Variants in FOCAD observed in about 807,000 individuals in gnomAD.
The protein encoded by FOCAD is focadhesin.
A neutral mutation model predicts 225.6 loss-of-function variants in FOCAD; 198 were observed. That is an observed-to-expected ratio of 0.88 (90% CI 0.78 to 0.99). FOCAD has a LOEUF of 0.99. Among genes scored for constraint, FOCAD ranks in the 50% least tolerant of loss-of-function variants. FOCAD has a pLI of 0.00. For synonymous variants in FOCAD, 897 were observed against 755.0 expected (o/e 1.19, Z -3.08); for missense variants, 2,713 against 2,123.6 (o/e 1.28, Z -5.46).
At chr9:20,705,262 A>C (rs1328221887) in intron 1 of FOCAD, among the ~76,000 whole-genome samples, 1 of 152,210 alleles carries the variant, frequency 6.6e-6, no homozygotes, top group African/African-American at 2.4e-5. Flanking sequence ...ACCTATTATT[A>C]ACATTTAGAC....
upstream of FOCAD, among the ~76,000 whole-genome samples, chr9:20,682,779 TTGAA>T (rs1347628098): frequency 6.6e-6 from 1 of 152,118 alleles, no homozygotes; most frequent in African/African-American, 2.4e-5. Flanking sequence ...TATTGATTGA[TTGAA>T]TGATTGATTG....
At position 20,995,374 on chromosome 9, in the gene FOCAD, A is replaced by AC. The variant is rs150489586; in HGVS notation, c.5333-182_5333-181insC. On this transcript the variant is annotated intron_variant, in intron 43 of 43. Coordinates refer to ENST00000338382, the MANE Select transcript of FOCAD (RefSeq NM_001375567.1). ...GCAGGGTAACTTAAAAAAAAAAAAA[A>AC]AAACAACTTTCCCCCCAACATTTAT... 3.5e-3 allele frequency among the ~76,000 whole-genome samples: 522 copies of AC among 147,860 alleles called. 4 individuals carry two copies. Among genetic ancestry groups the AC allele is most frequent in the Middle Eastern group, 7.1e-3 (2 of 282 alleles).
At chr9:20,779,528 C>T (rs561892790) in intron 9 of FOCAD, among the ~76,000 whole-genome samples, 20 of 152,266 alleles carry the variant, frequency 1.3e-4, no homozygotes, top group Non-Finnish European at 2.4e-4. Flanking sequence ...GGGTGGACCA[C>T]CTGAGGTCAG....
chr9:20,926,149 A>G lies in FOCAD; in HGVS notation c.2962-152A>G, dbSNP rs140104195. 9.4e-4 allele frequency: 549 copies of G among 582,514 alleles called. 2 individuals carry two copies. Among genetic ancestry groups the G allele is most frequent in the African/African-American group, 8.9e-3 (479 of 53,628 alleles). 36.1% of individuals were successfully genotyped at this position (582,514 alleles called of 1,614,324 possible). On this transcript the variant is annotated intron_variant, in intron 25 of 43. Coordinates refer to ENST00000338382, the MANE Select transcript of FOCAD (RefSeq NM_001375567.1). ...TATTTGTCAACTACCTGTATACCTC[A>G]TACGTGCATGCTTATAGTCCAAGCA... is the stretch of plus-strand genomic sequence containing the variant.
intron 24 of FOCAD, among the ~76,000 whole-genome samples, chr9:20,922,312 G>C (rs570407774): frequency 6.6e-6 from 1 of 151,714 alleles, no homozygotes; most frequent in South Asian, 2.1e-4. Context: ...GCTAACTTTT[G>C]ACAGGCCTTA....
At chr9:20,888,622 G>A (rs1831329570) in intron 21 of FOCAD, among the ~76,000 whole-genome samples, 1 of 151,830 alleles carries the variant, frequency 6.6e-6, no homozygotes, top group African/African-American at 2.4e-5. Flanking sequence ...GTATGGTATG[G>A]TTTGGCTACG....
At chr9:20,884,842 A>G (rs1830976270) in intron 20 of FOCAD, among the ~76,000 whole-genome samples, 2 of 151,910 alleles carry the variant, frequency 1.3e-5, no homozygotes, top group African/African-American at 4.8e-5. Context: ...CAGGCGGATC[A>G]TGAGGTCAGC....
intron 28 of FOCAD, 53 bp downstream of exon 28, chr9:20,933,156 C>T: frequency 8.1e-7 from 1 of 1,231,414 alleles, no homozygotes; most frequent in South Asian, 1.2e-5. Context: ...GCTCCCTACA[C>T]TGCCATAAGT....
chr9:20,846,650 T>C (rs1405128404), intron 15 of FOCAD, among the ~76,000 whole-genome samples: 1 of 152,110 alleles, frequency 6.6e-6, no homozygotes, highest in African/African-American at 2.4e-5. Flanking sequence ...TGTTAAACTC[T>C]GGAAATGGTG....
Position 20,669,064 on chromosome 9 carries a change from T to A in FOCAD, c.-78+10238T>A, listed in dbSNP as rs117544823. 1.1e-4 allele frequency among the ~76,000 whole-genome samples: 16 copies of A among 152,260 alleles called. No individual in the cohort carries two copies. In the East Asian group the frequency reaches 2.9e-3, roughly 28 times the overall value. The stretch of plus-strand genomic sequence containing the variant: ...GGATGGAAGAGAAAGAATATTTATT[T>A]CCCTGCTCTTGGATATTTAATTCCC... On this transcript the variant is annotated intron_variant, in intron 2 of 45. Transcript: ENST00000380249.
upstream of FOCAD, among the ~76,000 whole-genome samples, chr9:20,679,729 C>T (rs1822344016): frequency 6.6e-6 from 1 of 152,172 alleles, no homozygotes; most frequent in African/African-American, 2.4e-5. Context: ...GCCTGCCTAC[C>T]TCTTAAAGAC....
chr9:20,770,766 A>G (rs934785184), intron 8 of FOCAD, among the ~76,000 whole-genome samples: 68 of 152,364 alleles, frequency 4.5e-4, no homozygotes, highest in African/African-American at 1.5e-3. Context: ...TTGATCTAAT[A>G]CCATTAGCGC....
chr9:20,990,231 G>A lies in FOCAD; in HGVS notation c.5113G>A (p.Glu1705Lys), dbSNP rs575079052. The change falls in exon 42 of 44, where the codon GAG becomes AAG. Residue 1705 changes from glutamate to lysine, a missense_variant. By Grantham distance (56) the Glu-to-Lys change is moderately conservative. Coordinates refer to ENST00000338382, the MANE Select transcript of FOCAD (RefSeq NM_001375567.1). ...TGCCAGTTGGTTGCCATGGCATCAG[G>A]AGAATGGCCCGGCTGGGCCAGTACC... ...LSASWLPWHQ[E>K]NGPAGPVPSF... The A allele has an allele frequency of 9.3e-6, 15 of 1,614,070 alleles. No individual in the cohort carries two copies. The highest frequency in any genetic ancestry group is 1.3e-5 in the Non-Finnish European group (15 of 1,180,034).
intron 42 of FOCAD, among the ~76,000 whole-genome samples, chr9:20,992,570 A>C (rs370308016): frequency 6.6e-6 from 1 of 152,170 alleles, no homozygotes; most frequent in African/African-American, 2.4e-5. Flanking sequence ...GGACTTGGGC[A>C]AGGTTTTTAA....
At chr9:20,801,877 C>T (rs985016964) in intron 11 of FOCAD, among the ~76,000 whole-genome samples, 1 of 152,138 alleles carries the variant, frequency 6.6e-6, no homozygotes. Flanking sequence ...CAGAATGCCT[C>T]AAGTTGGACA....
chr9:20,995,711 T>A lies in FOCAD; in HGVS notation c.*82T>A. 1 of 1,244,398 alleles carries A rather than the reference T, an allele frequency of 8.0e-7. No individual in the cohort carries two copies. The highest frequency in any genetic ancestry group is 1.2e-6 in the Non-Finnish European group (1 of 854,468). 77.1% of individuals were successfully genotyped at this position (1,244,398 alleles called of 1,614,324 possible). ...GAAGAAGTTTTTCAGAATTCATGCC[T>A]GGTATTGCTGAGACATGATGCAGAG... On this transcript the variant is annotated 3_prime_UTR_variant, in exon 44 of 44. Coordinates refer to ENST00000338382, the MANE Select transcript of FOCAD (RefSeq NM_001375567.1).
chr9:20,984,469 A>G (rs921730566), intron 39 of FOCAD, among the ~76,000 whole-genome samples: 1 of 152,362 alleles, frequency 6.6e-6, no homozygotes, highest in South Asian at 2.1e-4. Flanking sequence ...ACTTTTAAAT[A>G]TTTACTTAAA....
At chr9:20,686,927 G>A (rs1563876524) in intron 1 of FOCAD, among the ~76,000 whole-genome samples, 1 of 151,674 alleles carries the variant, frequency 6.6e-6, no homozygotes, top group South Asian at 2.1e-4. Context: ...ATGTGGAAGA[G>A]CCCATCTATT....
intron 2 of FOCAD, among the ~76,000 whole-genome samples, chr9:20,665,988 A>G: frequency 6.6e-6 from 1 of 152,030 alleles, no homozygotes; most frequent in Non-Finnish European, 1.5e-5. Context: ...TCCGCCTTCC[A>G]GGTTCAAGTG....
Sources: allele counts gnomAD v4.1 joint callset (sites outside exome capture counted in the v4.1 genomes callset), GRCh38; gene constraint gnomAD v4.1.1; transcripts MANE v1.5; gene names NCBI Gene and HGNC (gene_info 2026-07-23, HGNC 2026-07-21).